The following CDH12 variants were observed in gnomAD, a reference collection of about 807,000 sequenced individuals.
CDH12 encodes cadherin-12.
CDH12 carries 41 observed loss-of-function variants against 74.1 expected under a neutral mutation model. The observed-to-expected ratio is 0.55, with a 90% CI of 0.43 to 0.72. The LOEUF is 0.72. CDH12 is among the 30% of genes least tolerant of loss of function. The probability of loss-of-function intolerance (pLI) is 0.00; values close to 1 mark genes in which losing one functional copy is unlikely to be tolerated. For missense variants in CDH12, 945 were observed against 977.2 expected, an observed-to-expected ratio of 0.97 and a Z score of 0.44; for synonymous variants, 399 against 355.0, an observed-to-expected ratio of 1.12 and a Z score of -1.39.
At chr5:22,046,296 G>A (rs1330268865) in intron 5 of CDH12, among the ~76,000 whole-genome samples, 2 of 152,088 alleles carry the variant, frequency 1.3e-5, no homozygotes, top group Admixed American at 6.6e-5. Flanking sequence ...TTAATTGAGA[G>A]CAGCCAAGTC....
chr5:21,756,449 CTACTT>C (rs1469126539), intron 13 of CDH12, among the ~76,000 whole-genome samples: 1 of 152,106 alleles, frequency 6.6e-6, no homozygotes, highest in Non-Finnish European at 1.5e-5. Context: ...ATAACAATGA[CTACTT>C]TAATATGATT....
At chr5:22,189,998 C>A (rs1750179226) in intron 4 of CDH12, among the ~76,000 whole-genome samples, 1 of 151,916 alleles carries the variant, frequency 6.6e-6, no homozygotes, top group Non-Finnish European at 1.5e-5. Context: ...GGCACAGATG[C>A]TGAGTGTCCA....
At chr5:21,818,764 G>T (rs1748204274) in intron 8 of CDH12, among the ~76,000 whole-genome samples, 1 of 151,804 alleles carries the variant, frequency 6.6e-6, no homozygotes, top group South Asian at 2.1e-4. Flanking sequence ...AGGGTATGAG[G>T]AATCTTTCTC....
chr5:22,758,359 G>A (rs529515263), intron 1 of CDH12, among the ~76,000 whole-genome samples: 2 of 152,234 alleles, frequency 1.3e-5, no homozygotes, highest in East Asian at 1.9e-4. Context: ...CATCTCTAAA[G>A]AAGACCATTG....
At chr5:22,289,745 C>T (rs1379626557) in intron 3 of CDH12, among the ~76,000 whole-genome samples, 4 of 152,068 alleles carry the variant, frequency 2.6e-5, no homozygotes, top group East Asian at 1.9e-4. Flanking sequence ...AAGAGAGAAA[C>T]GGTCTTCTTG....
At chr5:22,842,070 G>C (rs1737103144) in intron 1 of CDH12, among the ~76,000 whole-genome samples, 2 of 151,986 alleles carry the variant, frequency 1.3e-5, no homozygotes, top group Admixed American at 1.3e-4. Context: ...ACCTCAAACA[G>C]GTTATATTTG....
Position 22,781,167 on chromosome 5 carries a change from C to T in CDH12, c.-523+71891G>A, listed in dbSNP as rs181326535. 7.1e-4 allele frequency among the ~76,000 whole-genome samples: 108 copies of T among 152,128 alleles called. No individual in the cohort carries two copies. In the East Asian group the frequency reaches 0.012, roughly 17 times the overall value. On this transcript the variant is annotated intron_variant, in intron 1 of 14. Transcript: ENST00000382254. ...ATAAAGTGTGCATTCCAATTTTGTA[C>T]GATGTTATTCAAAGTGCTGCACTCA... is the stretch of plus-strand genomic sequence containing the variant.
At chr5:22,296,346 C>T (rs183600776) in intron 3 of CDH12, among the ~76,000 whole-genome samples, 6 of 152,016 alleles carry the variant, frequency 3.9e-5, no homozygotes, top group East Asian at 1.9e-4. Flanking sequence ...ACGTATTCCT[C>T]GAACTATATC....
At chr5:22,491,504 A>G (rs1369750992) in intron 2 of CDH12, among the ~76,000 whole-genome samples, 5 of 151,362 alleles carry the variant, frequency 3.3e-5, no homozygotes, top group Non-Finnish European at 4.4e-5. Context: ...CAAAGACTAG[A>G]TGGCTTATAG....
At chr5:22,359,728 G>A (rs1740716992) in intron 3 of CDH12, among the ~76,000 whole-genome samples, 1 of 152,040 alleles carries the variant, frequency 6.6e-6, no homozygotes, top group Admixed American at 6.6e-5. Flanking sequence ...ATAACAAACT[G>A]TCTCTCAGAC....
At chr5:22,131,165 T>C (rs1016928761) in intron 4 of CDH12, among the ~76,000 whole-genome samples, 2 of 152,158 alleles carry the variant, frequency 1.3e-5, no homozygotes, top group Non-Finnish European at 2.9e-5. Flanking sequence ...TGTACAACTC[T>C]ATGTATAGAT....
chr5:22,409,669 T>C (rs1192660247), intron 2 of CDH12, among the ~76,000 whole-genome samples: 1 of 152,140 alleles, frequency 6.6e-6, no homozygotes, highest in Non-Finnish European at 1.5e-5. Context: ...GACTAAGCTA[T>C]TGATTCTACT....
intron 1 of CDH12, among the ~76,000 whole-genome samples, chr5:22,521,266 T>A (rs1737045036): frequency 6.6e-6 from 1 of 151,880 alleles, no homozygotes; most frequent in Non-Finnish European, 1.5e-5. Context: ...TTAATGGCAT[T>A]TTATCTTAGT....
intron 1 of CDH12, among the ~76,000 whole-genome samples, chr5:22,604,258 A>C (rs559176644): frequency 6.6e-6 from 1 of 152,324 alleles, no homozygotes; most frequent in South Asian, 2.1e-4. Context: ...GTATTGAGGC[A>C]TATGCTATTT....
At chr5:21,855,126 G>A (rs1750688741) in intron 6 of CDH12, among the ~76,000 whole-genome samples, 1 of 151,706 alleles carries the variant, frequency 6.6e-6, no homozygotes, top group African/African-American at 2.4e-5. Context: ...TACTATTGAT[G>A]TTTTAATTTT....
At chr5:22,325,613 G>A (rs1333627029) in intron 3 of CDH12, among the ~76,000 whole-genome samples, 2 of 152,040 alleles carry the variant, frequency 1.3e-5, no homozygotes, top group African/African-American at 4.8e-5. Context: ...ACGGCCAGGC[G>A]CGGTGGCTCA....
intron 1 of CDH12, among the ~76,000 whole-genome samples, chr5:22,838,337 T>C (rs1248057875): frequency 6.6e-6 from 1 of 152,160 alleles, no homozygotes; most frequent in Non-Finnish European, 1.5e-5. Flanking sequence ...CAACTTTGAC[T>C]GGTTCACCTG....
intron 1 of CDH12, among the ~76,000 whole-genome samples, chr5:22,796,043 A>C (rs532953167): frequency 1.3e-5 from 2 of 152,294 alleles, no homozygotes. Context: ...TTTTATGGCT[A>C]AACACTATTC....
intron 2 of CDH12, among the ~76,000 whole-genome samples, chr5:22,412,776 T>C (rs1580620781): frequency 6.6e-6 from 1 of 152,054 alleles, no homozygotes; most frequent in South Asian, 2.1e-4. Context: ...TTTGAGGAAA[T>C]AATGTACCTT....
Sources: allele counts gnomAD v4.1 joint callset (sites outside exome capture counted in the v4.1 genomes callset), GRCh38; gene constraint gnomAD v4.1.1; transcripts MANE v1.5; gene names NCBI Gene and HGNC (gene_info 2026-07-23, HGNC 2026-07-21).